Variants in MAGI2 observed in about 807,000 individuals in gnomAD.
MAGI2 encodes the protein membrane-associated guanylate kinase, WW and PDZ domain-containing protein 2.
A neutral mutation model predicts 133.3 loss-of-function variants in MAGI2; 35 were observed. The ratio of observed to expected loss-of-function variants is 0.26; its 90% CI spans 0.20 to 0.35. The LOEUF (loss-of-function observed/expected upper bound fraction) is 0.35, where lower values mean the gene tolerates loss of function less well. MAGI2 is among the 10% of genes least tolerant of loss of function. MAGI2 has a pLI of 1.00. For synonymous variants in MAGI2, 729 were observed against 710.6 expected, an observed-to-expected ratio of 1.03 and a Z score of -0.41; for missense variants, 1,636 against 1,863.4, an observed-to-expected ratio of 0.88 and a Z score of 2.25.
At chr7:79,182,036 G>C (rs7803630) in intron 1 of MAGI2, among the ~76,000 whole-genome samples, 116,709 of 151,894 alleles carry the variant, frequency 0.77, 46,179 homozygotes, top group Non-Finnish European at 0.87. Context: ...AGCCATTCAA[G>C]AAGTCTCGAG....
intron 1 of MAGI2, among the ~76,000 whole-genome samples, chr7:79,348,882 A>C (rs1370937742): frequency 6.6e-6 from 1 of 151,972 alleles, no homozygotes; most frequent in Non-Finnish European, 1.5e-5. Context: ...CTCTTTTAGA[A>C]AAAATTATGC....
At chr7:79,002,018 C>T (rs183687761) in intron 2 of MAGI2, among the ~76,000 whole-genome samples, 1 of 152,184 alleles carries the variant, frequency 6.6e-6, no homozygotes, top group African/African-American at 2.4e-5. Context: ...GGTTTTGTCT[C>T]ATTGTCATTT....
chr7:79,289,890 A>C (rs1836329266), intron 1 of MAGI2, among the ~76,000 whole-genome samples: 1 of 152,152 alleles, frequency 6.6e-6, no homozygotes, highest in Admixed American at 6.5e-5. Flanking sequence ...AAATTTAAAA[A>C]ATAAAAAGTA....
At chr7:78,909,361 A>G (rs1404952271) in intron 2 of MAGI2, among the ~76,000 whole-genome samples, 3 of 150,532 alleles carry the variant, frequency 2.0e-5, no homozygotes, top group Admixed American at 2.0e-4. Context: ...TGGGAGGCTG[A>G]GGTGGGTGGA....
At chr7:78,907,916 ATAAAC>A (rs1315895765) in intron 2 of MAGI2, among the ~76,000 whole-genome samples, 1 of 152,250 alleles carries the variant, frequency 6.6e-6, no homozygotes, top group Non-Finnish European at 1.5e-5. Context: ...ACTGAATAAA[ATAAAC>A]TAGCTTTATC....
Position 78,346,075 on chromosome 7 carries a change from G to A in MAGI2, c.1104-32C>T, listed in dbSNP as rs79679898. ...AAGAAAATTTCAGATTAGGATAACCGTGGGGCAAAGTTATTTAAAAGACCA... is the reference window on the plus strand; with the variant it reads ...AAGAAAATTTCAGATTAGGATAACCATGGGGCAAAGTTATTTAAAAGACCA... On this transcript the variant is annotated intron_variant, in intron 7 of 21. Transcript: ENST00000354212. 2.6e-3 allele frequency: 4,254 copies of A among 1,612,008 alleles called. 99 individuals are homozygous for A. In the African/African-American group the frequency reaches 0.049, roughly 19 times the overall value.
chr7:78,848,823 C>T (rs984073448), intron 2 of MAGI2, among the ~76,000 whole-genome samples: 1 of 152,002 alleles, frequency 6.6e-6, no homozygotes, highest in African/African-American at 2.4e-5. Flanking sequence ...ATGTCATCAT[C>T]CACGACCAGC....
chr7:78,683,811 T>A (rs1815962712), intron 2 of MAGI2, among the ~76,000 whole-genome samples: 1 of 152,312 alleles, frequency 6.6e-6, no homozygotes, highest in African/African-American at 2.4e-5. Context: ...TGTTACTGAA[T>A]ACTAACGTTT....
chr7:79,098,528 T>C (rs149329406), intron 1 of MAGI2, among the ~76,000 whole-genome samples: 16 of 152,002 alleles, frequency 1.1e-4, no homozygotes, highest in African/African-American at 3.6e-4. Flanking sequence ...GCCAGTGGAG[T>C]GTGTGAGTTT....
chr7:78,028,911 T>G (rs1477104628), intron 21 of MAGI2, among the ~76,000 whole-genome samples: 5 of 149,430 alleles, frequency 3.3e-5, no homozygotes, highest in African/African-American at 1.2e-4. Context: ...ATCAGGAAAC[T>G]GAGAGGTAGA....
intron 3 of MAGI2, among the ~76,000 whole-genome samples, chr7:78,559,423 C>T (rs923315688): frequency 5.9e-5 from 9 of 151,984 alleles, no homozygotes; most frequent in African/African-American, 2.2e-4. Flanking sequence ...GTACATAACT[C>T]AGAAAAGATT....
At chr7:79,172,596 C>T (rs1825723809) in intron 1 of MAGI2, among the ~76,000 whole-genome samples, 1 of 151,816 alleles carries the variant, frequency 6.6e-6, no homozygotes, top group Admixed American at 6.6e-5. Context: ...AAAATATGCT[C>T]TATGATTTTA....
chr7:79,149,401 C>G (rs1163374292), intron 1 of MAGI2, among the ~76,000 whole-genome samples: 1 of 151,834 alleles, frequency 6.6e-6, no homozygotes, highest in Admixed American at 6.6e-5. Context: ...GATGCGTAAC[C>G]TTTGCAGACA....
At chr7:79,230,717 G>T (rs938337235) in intron 1 of MAGI2, among the ~76,000 whole-genome samples, 1 of 152,042 alleles carries the variant, frequency 6.6e-6, no homozygotes, top group Non-Finnish European at 1.5e-5. Context: ...AGTAGGTTGT[G>T]AAAATTTTCT....
At chr7:79,075,235 G>A (rs1191639718) in intron 1 of MAGI2, among the ~76,000 whole-genome samples, 1 of 152,054 alleles carries the variant, frequency 6.6e-6, no homozygotes, top group Non-Finnish European at 1.5e-5. Flanking sequence ...TTCACTCCTG[G>A]ATGTATTACT....
chr7:79,367,021 G>A (rs1842744205), intron 1 of MAGI2, among the ~76,000 whole-genome samples: 1 of 152,154 alleles, frequency 6.6e-6, no homozygotes, highest in Non-Finnish European at 1.5e-5. Flanking sequence ...AGATACAGGT[G>A]AACTTCTTGA....
intron 9 of MAGI2, among the ~76,000 whole-genome samples, chr7:78,342,569 T>C (rs1790502334): frequency 6.6e-6 from 1 of 152,254 alleles, no homozygotes; most frequent in South Asian, 2.1e-4. Context: ...TAAATGCTCA[T>C]CAATGATAGA....
chr7:78,867,520 A>C (rs535731205), intron 2 of MAGI2, among the ~76,000 whole-genome samples: 1 of 136,632 alleles, frequency 7.3e-6, no homozygotes, highest in South Asian at 2.6e-4. Context: ...GAAGGGGAAC[A>C]TCACACTCTG....
At chr7:78,853,997 T>C (rs183652656) in intron 2 of MAGI2, among the ~76,000 whole-genome samples, 6 of 152,180 alleles carry the variant, frequency 3.9e-5, no homozygotes, top group Admixed American at 6.5e-5. Context: ...AGAGTTTCTA[T>C]CCAAACAAGA....
Sources: allele counts gnomAD v4.1 joint callset (sites outside exome capture counted in the v4.1 genomes callset), GRCh38; gene constraint gnomAD v4.1.1; transcripts MANE v1.5; gene names NCBI Gene and HGNC (gene_info 2026-07-23, HGNC 2026-07-21).